DNAH14: variants seen among roughly 807,000 people sequenced by gnomAD.
DNAH14 encodes axonemal beta dynein heavy chain 14.
A neutral mutation model predicts 520.9 loss-of-function variants in DNAH14; 478 were observed. That is an observed-to-expected ratio of 0.92 (90% confidence interval 0.85 to 0.99). DNAH14 has a LOEUF of 0.99. DNAH14 is among the 50% of genes least tolerant of loss of function. The pLI, the probability that DNAH14 is intolerant of heterozygous loss-of-function variation, is 0.00. For synonymous variants in DNAH14, 1,581 were observed against 1,757.2 expected (o/e 0.90, Z 2.51); for missense variants, 4,831 against 5,234.5 (o/e 0.92, Z 2.38).
chr1:225,159,254 G>A, intron 34 of DNAH14, 60 bp from the exon 35 acceptor site: 1 of 1,369,008 alleles, frequency 7.3e-7, no homozygotes, highest in Non-Finnish European at 1.0e-6. Context: ...ATGGTCTTCA[G>A]TGTCTGCAGA....
intron 23 of DNAH14, among the ~76,000 whole-genome samples, chr1:225,114,624 C>G (rs12743222): frequency 0.088 from 13,425 of 152,240 alleles, 810 homozygotes; most frequent in Non-Finnish European, 0.13. Context: ...CCCTAGACCA[C>G]TTTAGCCCAC....
intron 77 of DNAH14, among the ~76,000 whole-genome samples, chr1:225,374,145 C>CTATATATATATATATA (rs71170080): frequency 0.022 from 718 of 32,820 alleles, 64 homozygotes; most frequent in East Asian, 0.03. Flanking sequence ...TTGTGTCTTA[C>CTATATATATATATATA]TATATATATA....
intron 10 of DNAH14, among the ~76,000 whole-genome samples, chr1:225,014,792 G>A (rs2065078574): frequency 6.6e-6 from 1 of 152,158 alleles, no homozygotes; most frequent in Non-Finnish European, 1.5e-5. Context: ...AAAATGTTTT[G>A]TAAATGTTTA....
At chr1:225,269,093 C>T (rs899041395) in intron 49 of DNAH14, among the ~76,000 whole-genome samples, 4 of 152,060 alleles carry the variant, frequency 2.6e-5, no homozygotes, top group African/African-American at 7.2e-5. Flanking sequence ...ACAAGGCTAC[C>T]GTAACCAAAA....
At chr1:224,940,411 T>C (rs1436242828) in intron 1 of DNAH14, among the ~76,000 whole-genome samples, 1 of 152,172 alleles carries the variant, frequency 6.6e-6, no homozygotes, top group Admixed American at 6.5e-5. Flanking sequence ...CAATTAATGG[T>C]GGTTATCTTT....
intron 39 of DNAH14, among the ~76,000 whole-genome samples, chr1:225,205,223 T>C (rs1273064555): frequency 6.6e-6 from 1 of 152,128 alleles, no homozygotes; most frequent in Admixed American, 6.5e-5. Context: ...AAGGTGATGC[T>C]ATTAGGAGGC....
At chr1:225,052,300 C>T (rs867005365) in intron 17 of DNAH14, among the ~76,000 whole-genome samples, 7 of 152,068 alleles carry the variant, frequency 4.6e-5, no homozygotes, top group African/African-American at 1.7e-4. Context: ...TATGGAGATT[C>T]CCAAGCTGAG....
At chr1:224,970,365 T>A (rs112568784) in intron 7 of DNAH14, among the ~76,000 whole-genome samples, 8,361 of 152,192 alleles carry the variant, frequency 0.055, 464 homozygotes, top group East Asian at 0.24. Context: ...CGAAACTTCA[T>A]TGGCAATTTT....
intron 27 of DNAH14, among the ~76,000 whole-genome samples, chr1:225,124,245 G>A (rs2077517398): frequency 6.6e-6 from 1 of 152,188 alleles, no homozygotes; most frequent in Non-Finnish European, 1.5e-5. Context: ...CTGAAGGTTA[G>A]GATGGCTGTG....
chr1:225,153,685 G>A lies in DNAH14; in HGVS notation c.5197-65G>A, dbSNP rs1011022802. ...TACCTGTAATTTACCTATATACTGT[G>A]TGCATTTGTTTTCATATTTTTTCTT... On this transcript the variant is annotated intron_variant, in intron 33 of 85. Transcript: ENST00000682510. 4.3e-5 allele frequency: 50 copies of A among 1,150,634 alleles called. No homozygotes were observed. The African/African-American group carries it at 6.7e-4, about 15-fold the overall frequency. The allele number at this position is 1,150,634 out of a possible 1,614,324, so 71.3% of individuals were successfully genotyped here.
Position 225,399,257 on chromosome 1 carries a change from G to A in DNAH14, c.13842G>A (p.Lys4614=). The A allele has an allele frequency of 6.4e-7, 1 of 1,550,488 alleles. No individual in the cohort carries two copies. The highest frequency in any genetic ancestry group is 2.4e-5 in the East Asian group (1 of 40,908). Residue 4614 remains lysine, a synonymous_variant, in exon 86 of 86, where the codon AAG becomes AAA. Transcript: ENST00000682510. ...ITMRVALLCE[K]NEK is the part of the protein sequence containing the mutation. ...TGCGGGTTGCATTGCTTTGTGAGAA[G>A]AATGAAAAATAAATGTCCATATCAA...
chr1:225,225,478 A>T (rs1212106656), intron 41 of DNAH14, among the ~76,000 whole-genome samples: 1 of 152,212 alleles, frequency 6.6e-6, no homozygotes, highest in East Asian at 1.9e-4. Flanking sequence ...TCTGTCCCAC[A>T]TAGAACATCC....
chr1:225,330,350 A>G (rs896687674), intron 64 of DNAH14, among the ~76,000 whole-genome samples: 1 of 152,230 alleles, frequency 6.6e-6, no homozygotes, highest in African/African-American at 2.4e-5. Flanking sequence ...AGATAACTGC[A>G]CTTCCATGTT....
chr1:225,055,870 A>C (rs1006176849), intron 17 of DNAH14, among the ~76,000 whole-genome samples: 7 of 151,994 alleles, frequency 4.6e-5, no homozygotes, highest in Non-Finnish European at 1.0e-4. Flanking sequence ...TGAACTCATC[A>C]TTTTTTATGG....
chr1:225,341,380 G>T (rs766248558), intron 69 of DNAH14, among the ~76,000 whole-genome samples: 1 of 152,206 alleles, frequency 6.6e-6, no homozygotes, highest in Non-Finnish European at 1.5e-5. Context: ...CCAACACTTT[G>T]GGAGGCCGAA....
At position 225,029,653 on chromosome 1, in the gene DNAH14, T is replaced by C. The variant is rs140434849; in HGVS notation, c.1358+5788T>C. On this transcript the variant is annotated intron_variant, in intron 11 of 85. Coordinates refer to ENST00000682510, the MANE Select transcript of DNAH14 (RefSeq NM_001367479.1). Reference sequence around the variant, plus strand: ...GCTACAAAGAAGAAGTTTGGGGTATTGTGAGACTGAATCTGGTCTGGGAGA... The same window carrying C: ...GCTACAAAGAAGAAGTTTGGGGTATCGTGAGACTGAATCTGGTCTGGGAGA... 7.8e-4 allele frequency among the ~76,000 whole-genome samples: 118 copies of C among 152,058 alleles called. 2 individuals carry two copies. The East Asian group carries it at 0.02, about 25-fold the overall frequency.
At chr1:225,172,022 A>G (rs1222534422) in intron 36 of DNAH14, among the ~76,000 whole-genome samples, 1 of 152,232 alleles carries the variant, frequency 6.6e-6, no homozygotes, top group Non-Finnish European at 1.5e-5. Context: ...AAACCACATG[A>G]TTATCTCAAT....
At chr1:225,190,371 T>C (rs993572679) in intron 37 of DNAH14, among the ~76,000 whole-genome samples, 1 of 152,144 alleles carries the variant, frequency 6.6e-6, no homozygotes, top group Admixed American at 6.6e-5. Flanking sequence ...GAGTGACTGA[T>C]TAGCAGGTAG....
chr1:225,357,522 C>T (rs1327033281), intron 73 of DNAH14, among the ~76,000 whole-genome samples: 1 of 152,210 alleles, frequency 6.6e-6, no homozygotes, highest in Non-Finnish European at 1.5e-5. Flanking sequence ...CTAACACTGT[C>T]TCACTAACTG....
Sources: gnomAD v4.1 joint callset for allele counts (sites outside exome capture counted in the v4.1 genomes callset) on GRCh38, gnomAD v4.1.1 for gene constraint, MANE v1.5 for transcripts, NCBI Gene and HGNC (gene_info 2026-07-23, HGNC 2026-07-21) for gene names.